UACA: variants seen among roughly 807,000 people sequenced by gnomAD.
UACA encodes the protein uveal autoantigen with coiled-coil domains and ankyrin repeats, also known as nuclear membrane binding protein.
UACA carries 112 observed loss-of-function variants against 160.5 expected under a neutral mutation model. That is an observed-to-expected ratio of 0.70 (90% CI 0.60 to 0.82). The LOEUF is 0.82. Among genes scored for constraint, UACA ranks in the 40% least tolerant of loss-of-function variants. The pLI is 0.00. For synonymous variants in UACA, 557 were observed against 568.4 expected, an observed-to-expected ratio of 0.98 and a Z score of 0.29; for missense variants, 1,574 against 1,614.6, an observed-to-expected ratio of 0.97 and a Z score of 0.43.
intron 1 of UACA, among the ~76,000 whole-genome samples, chr15:70,729,695 T>C (rs542819756): frequency 1.4e-5 from 2 of 142,814 alleles, no homozygotes; most frequent in South Asian, 4.3e-4. Context: ...AGCTCCGGTC[T>C]ACAGCTCCCA....
the UACA span, among the ~76,000 whole-genome samples, chr15:70,772,653 A>G: frequency 9.9e-5 from 15 of 152,188 alleles, no homozygotes; most frequent in Non-Finnish European, 1.8e-4. Context: ...TATATTAAGT[A>G]GGAGGCCTAG....
chr15:70,694,342 G>A (rs1486225223), intron 3 of UACA, among the ~76,000 whole-genome samples: 2 of 142,580 alleles, frequency 1.4e-5, no homozygotes, highest in Non-Finnish European at 1.6e-5. Context: ...GACAGACAAA[G>A]GTACAAATAA....
chr15:70,683,168 C>G (rs937189016), intron 8 of UACA, among the ~76,000 whole-genome samples: 9 of 151,818 alleles, frequency 5.9e-5, no homozygotes, highest in African/African-American at 1.9e-4. Context: ...CCAGCCTGGG[C>G]AACATAGCAA....
chr15:70,705,645 T>C (rs1898503902), intron 1 of UACA, among the ~76,000 whole-genome samples: 1 of 152,098 alleles, frequency 6.6e-6, no homozygotes, highest in South Asian at 2.1e-4. Flanking sequence ...ATCACAAAGA[T>C]TGCATCACAG....
At chr15:70,750,974 T>C (rs2030017007) in intron 1 of UACA, among the ~76,000 whole-genome samples, 1 of 152,362 alleles carries the variant, frequency 6.6e-6, no homozygotes, top group African/African-American at 2.4e-5. Flanking sequence ...TATACAACAA[T>C]GTGAATGTAT....
At chr15:70,683,978 A>G (rs975744201) in intron 8 of UACA, among the ~76,000 whole-genome samples, 20 of 152,110 alleles carry the variant, frequency 1.3e-4, no homozygotes, top group African/African-American at 4.8e-4. Flanking sequence ...CATCAAAAAA[A>G]AAAAAAAACT....
intron 15 of UACA, among the ~76,000 whole-genome samples, chr15:70,670,473 T>G (rs561031735): frequency 6.6e-6 from 1 of 152,166 alleles, no homozygotes; most frequent in African/African-American, 2.4e-5. Context: ...AAGTGTACTT[T>G]GCTTCCTTTC....
At chr15:70,677,372 A>G (rs1461126714) in intron 11 of UACA, among the ~76,000 whole-genome samples, 1 of 152,192 alleles carries the variant, frequency 6.6e-6, no homozygotes, top group Non-Finnish European at 1.5e-5. Flanking sequence ...ACCAAGTCCT[A>G]CTTGTTCTTG....
At chr15:70,675,793 G>A (rs1333410107) in intron 13 of UACA, among the ~76,000 whole-genome samples, 1 of 152,136 alleles carries the variant, frequency 6.6e-6, no homozygotes, top group African/African-American at 2.4e-5. Flanking sequence ...TCCCACTGTG[G>A]TGGTATTAAG....
chr15:70,674,701 A>G, intron 13 of UACA, among the ~76,000 whole-genome samples: 1 of 152,040 alleles, frequency 6.6e-6, no homozygotes, highest in East Asian at 1.9e-4. Flanking sequence ...AGATTCAAGC[A>G]ATTCTCCTGC....
intron 1 of UACA, among the ~76,000 whole-genome samples, chr15:70,710,247 C>T (rs1170395438): frequency 1.3e-5 from 2 of 151,878 alleles, no homozygotes; most frequent in Admixed American, 6.6e-5. Flanking sequence ...ACAGCAAGAC[C>T]CTGTCTCCAA....
At chr15:70,722,908 TTA>T (rs1566991199) in intron 1 of UACA, among the ~76,000 whole-genome samples, 6 of 152,176 alleles carry the variant, frequency 3.9e-5, no homozygotes, top group African/African-American at 1.2e-4. Context: ...TAACTTATCA[TTA>T]CTAAAAACAT....
At chr15:70,690,618 C>A in intron 4 of UACA, 107 bp from the exon 5 acceptor site, 1 of 844,182 alleles carries the variant, frequency 1.2e-6, no homozygotes, top group South Asian at 1.7e-5. Flanking sequence ...TTCCACTTAT[C>A]AAAGAAGCTA....
In UACA at chr15:70,667,201, GT is replaced by G; in HGVS notation, c.3482del (p.Asn1161ThrfsTer23). 6.2e-7 allele frequency: 1 copy of G among 1,613,844 alleles called. No homozygotes were observed. Among genetic ancestry groups the G allele is most frequent in the Admixed American group, 1.7e-5 (1 of 59,994 alleles). ...AATGCTCTGCCAGGGGTACAGAAGA[GT>G]TCTTTTGATTCTCCAACAATTGATG... ...KLHQLLENQKNSSVPLAEHLQ... is the reference protein window; with the variant it reads ...KLHQLLENQKXSSVPLAEHLQ... On this transcript the variant is annotated frameshift_variant, in exon 16 of 19. Transcript: ENST00000322954. LOFTEE classifies it high-confidence loss of function.
rs531670618 is a variant in UACA, at chr15:70,692,622, T to A, written c.302-1259A>T. Among the ~76,000 whole-genome samples, 16 of 152,148 alleles carry A rather than the reference T, an allele frequency of 1.1e-4. No individual in the cohort carries two copies. In the South Asian group the frequency reaches 3.3e-3, roughly 32 times the overall value. ...CCATCTCTACAAAACATATAAAAAT[T>A]AGTCAGGTGTGGTGGTGTATGCCTG... On this transcript the variant is annotated intron_variant, in intron 3 of 18. Coordinates refer to ENST00000322954, the MANE Select transcript of UACA (RefSeq NM_018003.4).
At chr15:70,657,593 T>C (rs1896526418) in intron 18 of UACA, among the ~76,000 whole-genome samples, 1 of 152,120 alleles carries the variant, frequency 6.6e-6, no homozygotes, top group Non-Finnish European at 1.5e-5. Context: ...AGACCCCATC[T>C]GAAAAAACAA....
At chr15:70,696,659 T>G (rs988802616) in intron 2 of UACA, among the ~76,000 whole-genome samples, 2 of 152,146 alleles carry the variant, frequency 1.3e-5, no homozygotes, top group Admixed American at 1.3e-4. Context: ...CTAAATTAAA[T>G]CGCTATAAGG....
chr15:70,763,621 A>T, upstream of UACA: 1 of 953,704 alleles, frequency 1.0e-6, no homozygotes, highest in Non-Finnish European at 1.4e-6. Flanking sequence ...GGGGCGTGGC[A>T]AACCGCGACC....
chr15:70,702,178 A>G, intron 1 of UACA: 1 of 1,215,988 alleles, frequency 8.2e-7, no homozygotes, highest in Non-Finnish European at 1.0e-6. Flanking sequence ...CAGTAACTCT[A>G]TCTATTTCTT....
Sources: allele counts gnomAD v4.1 joint callset (sites outside exome capture counted in the v4.1 genomes callset), GRCh38; gene constraint gnomAD v4.1.1; transcripts MANE v1.5; gene names NCBI Gene and HGNC (gene_info 2026-07-23, HGNC 2026-07-21).